The following LMLN variants were observed in gnomAD, a reference collection of about 807,000 sequenced individuals.
LMLN encodes leishmanolysin like peptidase.
A neutral mutation model predicts 92.3 loss-of-function variants in LMLN; 70 were observed. The observed-to-expected ratio is 0.76, with a 90% confidence interval of 0.63 to 0.92. The LOEUF is 0.92. Among genes scored for constraint, LMLN ranks in the 40% least tolerant of loss-of-function variants. The pLI is 0.00. For missense variants in LMLN, 691 were observed against 814.6 expected (o/e 0.85, Z 1.85); for synonymous variants, 308 against 296.2 (o/e 1.04, Z -0.41).
intron 13 of LMLN, among the ~76,000 whole-genome samples, chr3:198,024,430 T>G (rs1254110100): frequency 6.6e-6 from 1 of 152,170 alleles, no homozygotes; most frequent in Non-Finnish European, 1.5e-5. Flanking sequence ...TTAGCCAGGA[T>G]GGTCTCCATC....
intron 5 of LMLN, among the ~76,000 whole-genome samples, chr3:197,977,053 A>G (rs1027909188): frequency 6.6e-6 from 1 of 152,234 alleles, no homozygotes; most frequent in Non-Finnish European, 1.5e-5. Flanking sequence ...TAAGATAAAA[A>G]ATATGTATGC....
At chr3:198,016,632 T>G (rs902563018) in intron 11 of LMLN, among the ~76,000 whole-genome samples, 1 of 152,232 alleles carries the variant, frequency 6.6e-6, no homozygotes, top group Non-Finnish European at 1.5e-5. Flanking sequence ...CTGCAAGAGC[T>G]TAGGGAGGTT....
At chr3:197,997,001 TTTTCTTTTCTTTTCC>T (rs1459193423) in intron 10 of LMLN, among the ~76,000 whole-genome samples, 4 of 149,448 alleles carry the variant, frequency 2.7e-5, no homozygotes, top group East Asian at 3.9e-4. Flanking sequence ...GTTTTTTTTC[TTTTCTTTTCTTTTCC>T]TTTCTTTTCT....
intron 10 of LMLN, among the ~76,000 whole-genome samples, chr3:197,996,991 G>GTT (rs148627829): frequency 0.012 from 1,774 of 150,044 alleles, 30 homozygotes; most frequent in African/African-American, 0.041. Context: ...CTTTTCTTTT[G>GTT]TTTTTTTTCT....
chr3:197,998,306 G>A (rs1293537543), intron 10 of LMLN, among the ~76,000 whole-genome samples: 3 of 152,156 alleles, frequency 2.0e-5, no homozygotes, highest in Non-Finnish European at 2.9e-5. Flanking sequence ...TACAATTCTG[G>A]AAAGAATGAA....
intron 9 of LMLN, among the ~76,000 whole-genome samples, chr3:197,994,299 G>A (rs2109889460): frequency 6.6e-6 from 1 of 152,262 alleles, no homozygotes; most frequent in Admixed American, 6.5e-5. Flanking sequence ...CCTCTGCACA[G>A]CAAAGGAAAC....
At chr3:198,033,582 AG>A (rs1275844908) in intron 14 of LMLN, among the ~76,000 whole-genome samples, 7 of 151,956 alleles carry the variant, frequency 4.6e-5, no homozygotes, top group African/African-American at 1.2e-4. Context: ...TTGTATTTTT[AG>A]TAGAGACGGG....
At chr3:197,997,918 T>C (rs569905695) in intron 10 of LMLN, among the ~76,000 whole-genome samples, 20 of 152,370 alleles carry the variant, frequency 1.3e-4, no homozygotes, top group Middle Eastern at 3.4e-3. Flanking sequence ...GAGCAACTTA[T>C]TTATATCTGT....
At chr3:197,996,208 C>T (rs1722014040) in exon 10 of LMLN, 19 of 1,603,924 alleles carry the variant, frequency 1.2e-5, no homozygotes, top group Non-Finnish European at 1.6e-5. Context: ...TTGTCCAGTT[C>T]TAGAGGGAAT....
intron 11 of LMLN, among the ~76,000 whole-genome samples, chr3:198,007,694 A>G (rs955143278): frequency 6.6e-6 from 1 of 152,180 alleles, no homozygotes; most frequent in African/African-American, 2.4e-5. Context: ...TACGTTTTAC[A>G]ATTATCTCGT....
chr3:197,961,079 A>C lies in LMLN; in HGVS notation c.219+639A>C, dbSNP rs183307296. ...TCTCATTTCAAATTCCCTAACCTCA[A>C]GGCAGCCTGCTGAAACCACCACAGC... On this transcript the variant is annotated intron_variant, in intron 1 of 15. Coordinates refer to ENST00000330198, the Ensembl canonical transcript of LMLN. Among the ~76,000 whole-genome samples, 709 of 152,260 alleles carry C rather than the reference A, an allele frequency of 4.7e-3. 5 individuals carry two copies. Among genetic ancestry groups the C allele is most frequent in the African/African-American group, 0.016 (668 of 41,544 alleles).
At chr3:198,037,070 G>A (rs761315145) in intron 15 of LMLN, among the ~76,000 whole-genome samples, 6 of 152,182 alleles carry the variant, frequency 3.9e-5, no homozygotes, top group Non-Finnish European at 5.9e-5. Flanking sequence ...TGGAAGATGA[G>A]TACTTGTGTT....
At chr3:197,983,189 T>G (rs6773351) in intron 6 of LMLN, among the ~76,000 whole-genome samples, 9,834 of 152,296 alleles carry the variant, frequency 0.065, 377 homozygotes, top group African/African-American at 0.1. Flanking sequence ...TTATAAATAG[T>G]CAGTTATACT....
chr3:198,034,504 G>A (rs1035855349), intron 14 of LMLN, among the ~76,000 whole-genome samples: 7 of 152,130 alleles, frequency 4.6e-5, no homozygotes, highest in East Asian at 1.9e-4. Context: ...CCAGCTACTT[G>A]GGAGGCTTAG....
chr3:197,985,583 C>T (rs111630962), intron 7 of LMLN: 51 of 354,390 alleles, frequency 1.4e-4, no homozygotes, highest in African/African-American at 9.3e-4. Context: ...GAAAATTTCT[C>T]GTTAGAAATA....
chr3:197,987,686 T>C (rs1721751984), intron 8 of LMLN, among the ~76,000 whole-genome samples: 1 of 152,226 alleles, frequency 6.6e-6, no homozygotes, highest in African/African-American at 2.4e-5. Flanking sequence ...GCAGGGTAGA[T>C]TTCCCAAACT....
rs541406439 is a variant in LMLN at position 198,038,990 on chromosome 3, C to G, written c.*323C>G. 276 of 279,798 alleles carry G rather than the reference C, an allele frequency of 9.9e-4. 1 individual carries two copies. The highest frequency in any genetic ancestry group is 1.3e-3 in the Non-Finnish European group (188 of 142,840). 17.3% of individuals were successfully genotyped at this position (279,798 alleles called of 1,614,324 possible). A position where few individuals can be genotyped will look rare whatever the true frequency, so the allele number is the denominator to read the frequency against. On this transcript the variant is annotated 3_prime_UTR_variant, in exon 16 of 16. Transcript: ENST00000330198. ...ATCAGCAACCCAACCACCTCATCAG[C>G]AACCCAGCCACCTTCATCAGCAACC...
At chr3:197,964,736 A>G (rs2109839227) in intron 1 of LMLN, among the ~76,000 whole-genome samples, 1 of 147,338 alleles carries the variant, frequency 6.8e-6, no homozygotes, top group East Asian at 2.3e-4. Flanking sequence ...GGTCGGGTGC[A>G]GTGGCTCATG....
At position 198,024,863 on chromosome 3, in the gene LMLN, T is replaced by C. The variant is rs1025883852; in HGVS notation, c.1656+75T>C. 12 of 1,197,252 alleles carry C rather than the reference T, an allele frequency of 1.0e-5. No individual in the cohort carries two copies. In the African/African-American group the frequency reaches 1.9e-4, roughly 19 times the overall value. 74.2% of individuals were successfully genotyped at this position (1,197,252 alleles called of 1,614,324 possible). ...TCTTTTATGGTTTTGTATTTTAAATTATATTTTCATATTTTATGTCATTAA... is the reference window on the plus strand; with the variant it reads ...TCTTTTATGGTTTTGTATTTTAAATCATATTTTCATATTTTATGTCATTAA... On this transcript the variant is annotated intron_variant, in intron 14 of 15. Coordinates refer to ENST00000330198, the Ensembl canonical transcript of LMLN.
Sources: gnomAD v4.1 joint callset for allele counts (sites outside exome capture counted in the v4.1 genomes callset) on GRCh38, gnomAD v4.1.1 for gene constraint, MANE v1.5 for transcripts, NCBI Gene and HGNC (gene_info 2026-07-23, HGNC 2026-07-21) for gene names.